The following BICC1 variants were observed in gnomAD, a reference collection of about 807,000 sequenced individuals.
BICC1 encodes protein bicaudal C homolog 1.
BICC1 carries 43 observed loss-of-function variants against 111.0 expected under a neutral mutation model. That is an observed-to-expected ratio of 0.39 (90% CI 0.30 to 0.50). The LOEUF (loss-of-function observed/expected upper bound fraction) is 0.50, where lower values mean the gene tolerates loss of function less well. Among genes scored for constraint, BICC1 ranks in the 20% least tolerant of loss-of-function variants. The pLI is 0.88. For missense variants in BICC1, 1,091 were observed against 1,203.2 expected (o/e 0.91, Z 1.38); for synonymous variants, 467 against 434.4 (o/e 1.07, Z -0.93).
rs1472780929 is a variant in BICC1 at position 58,830,982 on chromosome 10, A to G, written c.*2091A>G. 1 of 152,220 alleles carries G rather than the reference A, an allele frequency of 6.6e-6. No individual in the cohort carries two copies. The highest frequency in any genetic ancestry group is 1.9e-4 in the East Asian group (1 of 5,194). The allele number at this position is 152,220 out of a possible 1,614,324, so 9.4% of individuals were successfully genotyped here. Reference sequence around the variant, plus strand: ...CTCTTTTCCCAGCTGTCTACCATGCATTTGCAACAGGAGGAAGATGTAATG... The same window carrying G: ...CTCTTTTCCCAGCTGTCTACCATGCGTTTGCAACAGGAGGAAGATGTAATG... On this transcript the variant is annotated 3_prime_UTR_variant, in exon 21 of 21. Coordinates refer to ENST00000373886, the MANE Select transcript of BICC1 (RefSeq NM_001080512.3).
chr10:58,637,688 T>G (rs573293862), intron 2 of BICC1, among the ~76,000 whole-genome samples: 68 of 152,390 alleles, frequency 4.5e-4, no homozygotes, highest in South Asian at 2.5e-3. Flanking sequence ...TTTATTGTTA[T>G]GAAAGCTTTT....
intron 1 of BICC1, among the ~76,000 whole-genome samples, chr10:58,619,543 C>T (rs897769106): frequency 1.3e-5 from 2 of 148,890 alleles, no homozygotes; most frequent in Non-Finnish European, 3.0e-5. Flanking sequence ...GGTGCAATCT[C>T]GGCTCACTGC....
intron 3 of BICC1, among the ~76,000 whole-genome samples, chr10:58,767,608 A>G (rs1257526916): frequency 6.6e-6 from 1 of 152,178 alleles, no homozygotes; most frequent in African/African-American, 2.4e-5. Context: ...AAATTACCCG[A>G]CAAGGAATTT....
intron 1 of BICC1, among the ~76,000 whole-genome samples, chr10:58,522,858 A>G (rs1429208752): frequency 6.6e-6 from 1 of 151,942 alleles, no homozygotes; most frequent in Non-Finnish European, 1.5e-5. Context: ...ACAATAAAAA[A>G]TGATAAAGGG....
chr10:58,645,976 TA>T (rs1443604690), intron 2 of BICC1, among the ~76,000 whole-genome samples: 9 of 152,094 alleles, frequency 5.9e-5, no homozygotes, highest in African/African-American at 1.9e-4. Flanking sequence ...GTCCTTTACT[TA>T]AATAACTTTG....
At chr10:58,524,965 T>C (rs1842491545) in intron 1 of BICC1, among the ~76,000 whole-genome samples, 2 of 151,878 alleles carry the variant, frequency 1.3e-5, no homozygotes, top group African/African-American at 4.8e-5. Context: ...GAAAAAATGC[T>C]CATCATCACT....
intron 3 of BICC1, among the ~76,000 whole-genome samples, chr10:58,726,948 T>A (rs1180222247): frequency 6.6e-6 from 1 of 152,190 alleles, no homozygotes; most frequent in Non-Finnish European, 1.5e-5. Context: ...GGCAGACTTT[T>A]GAGTCCAGGA....
At chr10:58,643,828 C>T (rs535759805) in intron 2 of BICC1, among the ~76,000 whole-genome samples, 1 of 152,274 alleles carries the variant, frequency 6.6e-6, no homozygotes, top group African/African-American at 2.4e-5. Flanking sequence ...TGGAAGATCA[C>T]AGGCTTTATT....
At chr10:58,816,592 G>A (rs1306945083) in intron 18 of BICC1, among the ~76,000 whole-genome samples, 5 of 152,114 alleles carry the variant, frequency 3.3e-5, no homozygotes, top group Admixed American at 3.3e-4. Flanking sequence ...AGATGGATCT[G>A]ATTGGCTTTG....
rs117520818 is a variant in BICC1, at chr10:58,800,807, T to A, written c.1859-83T>A. The A allele has an allele frequency of 8.6e-3, 11,696 of 1,360,598 alleles. 71 individuals carry two copies. Among genetic ancestry groups the A allele is most frequent in the Middle Eastern group, 0.017 (93 of 5,318 alleles). The allele number at this position is 1,360,598 out of a possible 1,614,324, so 84.3% of individuals were successfully genotyped here. A position where few individuals can be genotyped will look rare whatever the true frequency, so the allele number is the denominator to read the frequency against. Reference sequence around the variant, plus strand: ...ATCATGTCTCCATAGAGTAGGGTTCTGATTTGTTTCCATTGCAGATAATTG... The same window carrying A: ...ATCATGTCTCCATAGAGTAGGGTTCAGATTTGTTTCCATTGCAGATAATTG... On this transcript the variant is annotated intron_variant, in intron 13 of 20. Coordinates refer to ENST00000373886, the MANE Select transcript of BICC1 (RefSeq NM_001080512.3).
intron 1 of BICC1, among the ~76,000 whole-genome samples, chr10:58,519,937 C>G (rs1162979205): frequency 6.6e-6 from 1 of 152,110 alleles, no homozygotes; most frequent in Non-Finnish European, 1.5e-5. Flanking sequence ...CTCCCTCCTC[C>G]CACTGTCCAC....
chr10:58,693,964 A>G (rs1589030275), intron 2 of BICC1, among the ~76,000 whole-genome samples: 1 of 152,128 alleles, frequency 6.6e-6, no homozygotes, highest in Non-Finnish European at 1.5e-5. Context: ...GGTACTGGCT[A>G]GGTTTTCTTC....
intron 2 of BICC1, among the ~76,000 whole-genome samples, chr10:58,697,816 G>A (rs1369950097): frequency 6.6e-6 from 1 of 151,674 alleles, no homozygotes; most frequent in Non-Finnish European, 1.5e-5. Context: ...CCCCCTGCAG[G>A]AGATGTGCTT....
At chr10:58,581,840 A>G (rs1260784220) in intron 1 of BICC1, among the ~76,000 whole-genome samples, 2 of 152,176 alleles carry the variant, frequency 1.3e-5, no homozygotes, top group East Asian at 3.8e-4. Flanking sequence ...AAGATTAAAA[A>G]AAATACTTAA....
chr10:58,738,619 G>A (rs1841552785), intron 3 of BICC1, among the ~76,000 whole-genome samples: 1 of 143,774 alleles, frequency 7.0e-6, no homozygotes, highest in Admixed American at 7.0e-5. Flanking sequence ...TTCCAATTCT[G>A]TGAAGAAAGT....
chr10:58,741,812 A>G (rs545401018), intron 3 of BICC1, among the ~76,000 whole-genome samples: 83 of 152,264 alleles, frequency 5.5e-4, no homozygotes, highest in Non-Finnish European at 9.6e-4. Flanking sequence ...CTAGGAGACG[A>G]GACGAGTCAA....
intron 1 of BICC1, among the ~76,000 whole-genome samples, chr10:58,534,522 G>C (rs1343993483): frequency 6.6e-6 from 1 of 151,572 alleles, no homozygotes; most frequent in Non-Finnish European, 1.5e-5. Context: ...TAGAGCCAAA[G>C]CTAGGTGACA....
At chr10:58,591,704 C>T (rs1844624474) in intron 1 of BICC1, among the ~76,000 whole-genome samples, 1 of 152,160 alleles carries the variant, frequency 6.6e-6, no homozygotes, top group Admixed American at 6.5e-5. Context: ...AGTGAGAGAG[C>T]TTTGTTGTGC....
chr10:58,633,971 CTTTTTCTT>C (rs1837873086), intron 2 of BICC1, among the ~76,000 whole-genome samples: 1 of 12,290 alleles, frequency 8.1e-5, no homozygotes, highest in Admixed American at 1.6e-3. Flanking sequence ...AATTTCTTTT[CTTTTTCTT>C]TTTTTTTTTT....
Sources: gnomAD v4.1 joint callset for allele counts (sites outside exome capture counted in the v4.1 genomes callset) on GRCh38, gnomAD v4.1.1 for gene constraint, MANE v1.5 for transcripts, NCBI Gene and HGNC (gene_info 2026-07-23, HGNC 2026-07-21) for gene names.